The following SCN1A variants were observed in gnomAD, a reference collection of about 807,000 sequenced individuals.
The protein encoded by SCN1A is sodium voltage-gated channel alpha subunit 1.
Under a neutral mutation model 193.7 loss-of-function variants are expected in SCN1A, and 13 were observed. The observed-to-expected ratio is 0.07, with a 90% CI of 0.04 to 0.11. The LOEUF is 0.11. SCN1A is among the 10% of genes least tolerant of loss of function. The pLI is 1.00. For synonymous variants in SCN1A, 781 were observed against 843.6 expected (o/e 0.93, Z 1.29); for missense variants, 1,432 against 2,451.1 (o/e 0.58, Z 8.78).
intron 7 of SCN1A, 122 bp from the exon 8 acceptor site, chr2:166,053,065 G>C (rs1255550673): frequency 7.1e-7 from 1 of 1,412,542 alleles, no homozygotes; most frequent in African/African-American, 1.4e-5. Flanking sequence ...AGTTTTCAAA[G>C]CTCTCAAGAC....
chr2:166,053,773 A>C (rs1698846966), intron 7 of SCN1A, among the ~76,000 whole-genome samples: 1 of 151,914 alleles, frequency 6.6e-6, no homozygotes, highest in Non-Finnish European at 1.5e-5. Flanking sequence ...CCAAAAAATC[A>C]GCTCCTGAAG....
intron 19 of SCN1A, 163 bp from the exon 20 acceptor site, chr2:166,015,890 TTGTC>T: frequency 4.2e-6 from 3 of 713,670 alleles, no homozygotes; most frequent in South Asian, 1.7e-5. Flanking sequence ...AAGAAAATCA[TTGTC>T]TGTGCTAACC....
At chr2:166,144,023 GT>G (rs1239016712) in intron 1 of SCN1A, among the ~76,000 whole-genome samples, 1 of 152,168 alleles carries the variant, frequency 6.6e-6, no homozygotes. Flanking sequence ...ATTTTCTCAA[GT>G]GAAATAAAGT....
At chr2:166,062,032 T>G (rs1362494753) in intron 4 of SCN1A, among the ~76,000 whole-genome samples, 2 of 152,048 alleles carry the variant, frequency 1.3e-5, no homozygotes, top group Non-Finnish European at 2.9e-5. Flanking sequence ...ATTGGTAAGG[T>G]TTTTACTGAA....
chr2:166,057,074 T>C (rs1434185159), intron 5 of SCN1A, among the ~76,000 whole-genome samples: 1 of 152,082 alleles, frequency 6.6e-6, no homozygotes, highest in Non-Finnish European at 1.5e-5. Flanking sequence ...TAAAAGTGAA[T>C]ATTCTTGAAG....
chr2:166,089,607 T>G (rs953727443), intron 2 of SCN1A, among the ~76,000 whole-genome samples: 5 of 152,006 alleles, frequency 3.3e-5, no homozygotes, highest in African/African-American at 1.2e-4. Context: ...ACCTGTTAAT[T>G]TCAGTGGAAG....
Position 166,113,174 on chromosome 2 carries a change from A to G in SCN1A, c.-142+13750T>C, listed in dbSNP as rs372894956. Among the ~76,000 whole-genome samples, 55 of 152,186 alleles carry G rather than the reference A, an allele frequency of 3.6e-4. 3 individuals are homozygous for G. The South Asian group carries it at 0.011, about 30-fold the overall frequency. ...TTATTATTGAATTGAATTGTGGGAC[A>G]CTCAACTGGCTGTCAGACAATTGAG... On this transcript the variant is annotated intron_variant, in intron 2 of 28. Transcript: ENST00000674923.
rs536789505 is a variant in SCN1A, at chr2:166,102,522, A to T, written c.-142+24402T>A. Among the ~76,000 whole-genome samples the T allele has an allele frequency of 3.3e-3, 497 of 150,212 alleles. 4 individuals carry two copies. Among genetic ancestry groups the T allele is most frequent in the African/African-American group, 0.012 (483 of 41,368 alleles). ...TCTCAAAAAAAAAAAAAAGAAAAAA[A>T]AGAAAAAAAAAAAGTCAGAAAATAA... On this transcript the variant is annotated intron_variant, in intron 2 of 28. Coordinates refer to ENST00000674923, the MANE Select transcript of SCN1A (RefSeq NM_001165963.4).
At chr2:166,125,188 C>G (rs1484616685) in intron 2 of SCN1A, among the ~76,000 whole-genome samples, 1 of 152,180 alleles carries the variant, frequency 6.6e-6, no homozygotes, top group Non-Finnish European at 1.5e-5. Context: ...GATAACCTCA[C>G]GGAGCACAGC....
chr2:165,999,652 T>C, intron 25 of SCN1A, 71 bp downstream of exon 25: 1 of 1,098,548 alleles, frequency 9.1e-7, no homozygotes. Flanking sequence ...TTTGGTCGTT[T>C]ATGCTTTATT....
At chr2:166,094,397 T>C (rs536271165) in intron 2 of SCN1A, among the ~76,000 whole-genome samples, 1 of 152,304 alleles carries the variant, frequency 6.6e-6, no homozygotes, top group South Asian at 2.1e-4. Flanking sequence ...GTGTAGTTGA[T>C]AGTAAGTTGT....
In SCN1A at chr2:166,118,298, G is replaced by GCTTCTTCTTTTTTTTTTTTTTT. The variant is rs371947861; in HGVS notation, c.-142+8625_-142+8626insAAAAAAAAAAAAAAAGAAGAAG. The stretch of plus-strand genomic sequence containing the variant: ...TTCTTTGCTTACTGATTTCTATTTA[G>GCTTCTTCTTTTTTTTTTTTTTT]TTTCTTTTTTTTTTTTTTTTTTTTT... On this transcript the variant is annotated intron_variant, in intron 2 of 28. Transcript: ENST00000674923. Among the ~76,000 whole-genome samples, 15 of 44,732 alleles carry GCTTCTTCTTTTTTTTTTTTTTT rather than the reference G, an allele frequency of 3.4e-4. 1 individual carries two copies. Among genetic ancestry groups the GCTTCTTCTTTTTTTTTTTTTTT allele is most frequent in the African/African-American group, 1.1e-3 (15 of 13,764 alleles). The allele number at this position is 44,732 out of a possible 152,430, so 29.3% of individuals were successfully genotyped here.
At chr2:166,087,165 G>GA (rs535216262) in intron 2 of SCN1A, among the ~76,000 whole-genome samples, 480 of 124,532 alleles carry the variant, frequency 3.9e-3, no homozygotes, top group East Asian at 0.015. Flanking sequence ...AGAACTGGTT[G>GA]AAAAAAAAAA....
intron 23 of SCN1A, among the ~76,000 whole-genome samples, chr2:166,006,236 T>C (rs1482060643): frequency 1.3e-5 from 2 of 151,338 alleles, no homozygotes; most frequent in East Asian, 3.9e-4. Context: ...AATAATAGAA[T>C]CTTTCTTAAA....
Position 166,043,911 on chromosome 2 carries a change from T to A in SCN1A, c.1801A>T (p.Asn601Tyr). 8 of 1,614,170 alleles carry A rather than the reference T, an allele frequency of 5.0e-6. No homozygotes were observed. The highest frequency in any genetic ancestry group is 5.9e-6 in the Non-Finnish European group (7 of 1,180,020). ...ADDEHSTFED[N>Y]ESRRDSLFVP... ...AACAAGGAATCTCTACGGCTCTCGT[T>A]ATCCTCAAAGGTGCTGTGCTCATCA... is the stretch of plus-strand genomic sequence containing the variant. Residue 601 changes from asparagine to tyrosine, a missense_variant, in exon 14 of 29, where the codon AAC (asparagine) becomes TAC (tyrosine). Physicochemically the swap from Asn to Tyr is moderately radical, Grantham distance 143. Transcript: ENST00000674923.
chr2:166,128,081 C>T (rs892748725), upstream of SCN1A: 2 of 148,252 alleles, frequency 1.3e-5, no homozygotes, highest in African/African-American at 2.5e-5. Flanking sequence ...CAAGACAGCA[C>T]CTTACATTAC....
At chr2:166,012,611 G>GTT (rs1692656642) in intron 21 of SCN1A, among the ~76,000 whole-genome samples, 1 of 94,406 alleles carries the variant, frequency 1.1e-5, no homozygotes, top group African/African-American at 4.8e-5. Flanking sequence ...CCTTCTATTG[G>GTT]CTTTTTTTTT....
intron 2 of SCN1A, among the ~76,000 whole-genome samples, chr2:166,087,811 T>C (rs908529262): frequency 6.6e-6 from 1 of 152,222 alleles, no homozygotes; most frequent in Non-Finnish European, 1.5e-5. Context: ...GTGGAGACTA[T>C]GAAGTTGGCA....
At chr2:166,067,719 C>G (rs977149684) in intron 4 of SCN1A, among the ~76,000 whole-genome samples, 3 of 91,358 alleles carry the variant, frequency 3.3e-5, no homozygotes, top group African/African-American at 1.2e-4. Context: ...TTTTTTTTGC[C>G]TGCTTAGGAC....
Sources: allele counts gnomAD v4.1 joint callset (sites outside exome capture counted in the v4.1 genomes callset), GRCh38; gene constraint gnomAD v4.1.1; transcripts MANE v1.5; gene names NCBI Gene and HGNC (gene_info 2026-07-23, HGNC 2026-07-21).